Variants in RBFOX1 observed in about 807,000 individuals in gnomAD.
RBFOX1 encodes RNA binding fox-1 homolog 1, also known as RNA binding protein fox-1 homolog 1.
A neutral mutation model predicts 57.7 loss-of-function variants in RBFOX1; 8 were observed. That is an observed-to-expected ratio of 0.14 (90% CI 0.08 to 0.25). The LOEUF is 0.25. Among genes scored for constraint, RBFOX1 ranks in the 10% least tolerant of loss-of-function variants. The pLI, the probability that RBFOX1 is intolerant of heterozygous loss-of-function variation, is 1.00. For synonymous variants in RBFOX1, 326 were observed against 222.4 expected (o/e 1.47, Z -4.15); for missense variants, 611 against 548.5 (o/e 1.11, Z -1.14).
At chr16:5,575,807 T>G (rs2046431639) in intron 2 of RBFOX1, among the ~76,000 whole-genome samples, 1 of 151,764 alleles carries the variant, frequency 6.6e-6, no homozygotes, top group Admixed American at 6.6e-5. Flanking sequence ...GGCTGGAATG[T>G]GCCCAGAGAA....
At chr16:7,303,724 C>G (rs1000691664) in intron 4 of RBFOX1, among the ~76,000 whole-genome samples, 3 of 151,980 alleles carry the variant, frequency 2.0e-5, no homozygotes, top group Non-Finnish European at 2.9e-5. Flanking sequence ...CTCTCTTCCT[C>G]TCTTTCAATC....
chr16:5,576,363 C>T (rs1254874580), intron 2 of RBFOX1, among the ~76,000 whole-genome samples: 1 of 152,084 alleles, frequency 6.6e-6, no homozygotes, highest in Non-Finnish European at 1.5e-5. Context: ...CTCCTTCAGT[C>T]CCTCCCTACT....
At chr16:6,483,501 T>G in intron 2 of RBFOX1, 3 of 1,535,600 alleles carry the variant, frequency 2.0e-6, no homozygotes, top group Non-Finnish European at 1.7e-6. Flanking sequence ...CAGCCGACAA[T>G]GAAATCTTGG....
chr16:7,163,634 TTA>T (rs1182072948), intron 4 of RBFOX1, among the ~76,000 whole-genome samples: 1 of 152,018 alleles, frequency 6.6e-6, no homozygotes, highest in Admixed American at 6.6e-5. Flanking sequence ...CAAGTTTTAT[TTA>T]TGTGTTTTTC....
At chr16:7,332,990 T>A (rs1280987046) in intron 4 of RBFOX1, 1 of 1,613,378 alleles carries the variant, frequency 6.2e-7, no homozygotes, top group Admixed American at 1.7e-5. Flanking sequence ...GAATAATAAC[T>A]CTACGTAAAG....
intron 1 of RBFOX1, among the ~76,000 whole-genome samples, chr16:5,322,771 T>C (rs568179572): frequency 1.3e-5 from 2 of 152,288 alleles, no homozygotes; most frequent in East Asian, 1.9e-4. Context: ...ATGTGAAAAA[T>C]AGAAGGTTTC....
At chr16:5,390,767 C>G (rs369145282) in intron 1 of RBFOX1, among the ~76,000 whole-genome samples, 1 of 152,108 alleles carries the variant, frequency 6.6e-6, no homozygotes, top group Non-Finnish European at 1.5e-5. Context: ...ATGAATTGTT[C>G]CAGAATGGGC....
intron 11 of RBFOX1, among the ~76,000 whole-genome samples, chr16:7,648,383 C>G (rs1364568332): frequency 6.6e-6 from 1 of 152,002 alleles, no homozygotes; most frequent in African/African-American, 2.4e-5. Flanking sequence ...TACCACCACA[C>G]CCAGCTAATT....
At chr16:6,688,052 C>T (rs970500463) in intron 3 of RBFOX1, among the ~76,000 whole-genome samples, 2 of 152,144 alleles carry the variant, frequency 1.3e-5, no homozygotes, top group Admixed American at 6.5e-5. Context: ...CATTCTTGCA[C>T]TGCCATAGAC....
intron 1 of RBFOX1, among the ~76,000 whole-genome samples, chr16:6,056,411 C>A (rs914156132): frequency 2.6e-5 from 4 of 152,158 alleles, no homozygotes; most frequent in Non-Finnish European, 4.4e-5. Flanking sequence ...CTCATTCTGT[C>A]TCCTCCCTTT....
At chr16:6,150,219 C>G (rs1223070659) in intron 1 of RBFOX1, among the ~76,000 whole-genome samples, 2 of 152,128 alleles carry the variant, frequency 1.3e-5, no homozygotes, top group African/African-American at 2.4e-5. Flanking sequence ...AAGAGAGGAT[C>G]TTGAGATCTG....
rs111899758 is a variant in RBFOX1, at chr16:7,082,721, C to G, written c.27+30623C>G. ...AAAGTTTAAAGTTGTATGCTGATTG[C>G]TGTATATAATTAATGTATCACAATG... is the stretch of plus-strand genomic sequence containing the variant. On this transcript the variant is annotated intron_variant, in intron 4 of 15. Coordinates refer to ENST00000550418, the MANE Select transcript of RBFOX1 (RefSeq NM_018723.4). Among the ~76,000 whole-genome samples, 1,089 of 152,208 alleles carry G rather than the reference C, an allele frequency of 7.2e-3. 16 individuals are homozygous for G. Among genetic ancestry groups the G allele is most frequent in the East Asian group, 0.025 (131 of 5,178 alleles).
intron 2 of RBFOX1, among the ~76,000 whole-genome samples, chr16:6,494,626 G>A (rs1054356200): frequency 6.6e-6 from 1 of 152,202 alleles, no homozygotes; most frequent in African/African-American, 2.4e-5. Context: ...CACACATAAA[G>A]CTGTCTTGAA....
chr16:7,132,397 T>C (rs192372914), intron 4 of RBFOX1, among the ~76,000 whole-genome samples: 210 of 151,280 alleles, frequency 1.4e-3, no homozygotes, highest in African/African-American at 5.0e-3. Context: ...TAAAGGTCCA[T>C]TGATGGGTGA....
intron 3 of RBFOX1, among the ~76,000 whole-genome samples, chr16:5,803,293 G>T (rs1431244578): frequency 6.6e-6 from 1 of 152,180 alleles, no homozygotes; most frequent in Non-Finnish European, 1.5e-5. Flanking sequence ...GGCTCTAAGA[G>T]TTCCTTTGTA....
chr16:5,329,787 C>G (rs1019871594), intron 1 of RBFOX1, among the ~76,000 whole-genome samples: 3 of 152,086 alleles, frequency 2.0e-5, no homozygotes, highest in African/African-American at 7.2e-5. Flanking sequence ...ATCAGGAGGT[C>G]AGGAGATCGA....
intron 3 of RBFOX1, among the ~76,000 whole-genome samples, chr16:6,881,824 C>T (rs1196257382): frequency 1.3e-5 from 2 of 151,134 alleles, no homozygotes; most frequent in South Asian, 2.1e-4. Context: ...TTTTATTCTC[C>T]CTATTTTACA....
rs573030759 is a variant in RBFOX1 at position 7,688,624 on chromosome 16, A to G, written c.995+11786A>G. On this transcript the variant is annotated intron_variant, in intron 14 of 15. Transcript: ENST00000550418. ...GAGATGAGATTTAACCTAAGGAACAAAAGTGGGCTATGAGGGTGATATGCG... is the reference window on the plus strand; with the variant it reads ...GAGATGAGATTTAACCTAAGGAACAGAAGTGGGCTATGAGGGTGATATGCG... Among the ~76,000 whole-genome samples, 6 of 152,118 alleles carry G rather than the reference A, an allele frequency of 3.9e-5. No homozygotes were observed. In the East Asian group the frequency reaches 9.7e-4, roughly 25 times the overall value.
chr16:6,353,944 C>T (rs917753566), intron 2 of RBFOX1, among the ~76,000 whole-genome samples: 9 of 152,080 alleles, frequency 5.9e-5, no homozygotes, highest in Non-Finnish European at 1.5e-5. Context: ...AGCATAAACA[C>T]ATAAACAGTT....
Sources: gnomAD v4.1 joint callset for allele counts (sites outside exome capture counted in the v4.1 genomes callset) on GRCh38, gnomAD v4.1.1 for gene constraint, MANE v1.5 for transcripts, NCBI Gene and HGNC (gene_info 2026-07-23, HGNC 2026-07-21) for gene names.